NPIPB7: variants seen among roughly 807,000 people sequenced by gnomAD.
The protein encoded by NPIPB7 is nuclear pore complex interacting protein family member B7.
For synonymous variants in NPIPB7, 9 were observed against 88.1 expected, an observed-to-expected ratio of 0.10 and a Z score of 5.03; for missense variants, 14 against 238.5, an observed-to-expected ratio of 0.06 and a Z score of 6.20.
chr16:28,470,539 G>A, exon 1 of NPIPB7: 1 of 369,638 alleles, frequency 2.7e-6, no homozygotes, highest in Admixed American at 3.5e-5. Flanking sequence ...CCGGATCTGA[G>A]TTGGGGCGGG....
rs369147647 is a variant in NPIPB7, at chr16:28,464,377, A to G, written c.250-1296T>C. Among the ~76,000 whole-genome samples, 10 of 152,084 alleles carry G rather than the reference A, an allele frequency of 6.6e-5. No individual in the cohort carries two copies. In the East Asian group the frequency reaches 9.7e-4, roughly 15 times the overall value. The stretch of plus-strand genomic sequence containing the variant: ...TTCCCTCCAAGATTTCCATATTATC[A>G]CAGTATGCTTTTAATCTTCTAAGAT... On this transcript the variant is annotated intron_variant, in intron 2 of 6. Coordinates refer to ENST00000452313, the Ensembl canonical transcript of NPIPB7.
upstream of NPIPB7, among the ~76,000 whole-genome samples, chr16:28,472,003 C>G (rs140008554): frequency 7.2e-5 from 11 of 152,188 alleles, no homozygotes; most frequent in East Asian, 1.7e-3. Context: ...GCACTCCAGT[C>G]TGAGCAACAG....
exon 1 of NPIPB7, chr16:28,470,512 G>A (rs1220137978): frequency 1.4e-5 from 15 of 1,083,878 alleles, no homozygotes; most frequent in Admixed American, 2.3e-5. Context: ...GGGGAGGGAA[G>A]GGGACGGGGA....
intron 4 of NPIPB7, among the ~76,000 whole-genome samples, chr16:28,462,134 A>T (rs1352833869): frequency 3.6e-3 from 545 of 149,898 alleles, no homozygotes; most frequent in Middle Eastern, 6.8e-3. Flanking sequence ...AAAAAAAAAA[A>T]AAAGGCTGGG....
upstream of NPIPB7, among the ~76,000 whole-genome samples, chr16:28,470,726 A>C: frequency 6.6e-6 from 1 of 150,480 alleles, no homozygotes. Context: ...GGAGGAGAAG[A>C]AGAAAGGGGT....
chr16:28,470,037 G>T (rs1459692551), intron 1 of NPIPB7, among the ~76,000 whole-genome samples: 1 of 145,728 alleles, frequency 6.9e-6, no homozygotes, highest in Non-Finnish European at 1.5e-5. Flanking sequence ...CTTTGTTTTG[G>T]TCCATTTTGT....
intron 4 of NPIPB7, among the ~76,000 whole-genome samples, chr16:28,461,758 G>C (rs1367261822): frequency 6.8e-6 from 1 of 147,230 alleles, no homozygotes; most frequent in Non-Finnish European, 1.5e-5. Flanking sequence ...GACCAGCTTG[G>C]CCAATATGGT....
At chr16:28,470,832 G>T (rs1467778110), upstream of NPIPB7, among the ~76,000 whole-genome samples, 1 of 136,392 alleles carries the variant, frequency 7.3e-6, no homozygotes, top group Non-Finnish European at 1.6e-5. Flanking sequence ...AGGACACGCG[G>T]GGCAAGGGAG....
chr16:28,462,190 C>A (rs1370222981), intron 4 of NPIPB7, among the ~76,000 whole-genome samples: 1 of 149,928 alleles, frequency 6.7e-6, no homozygotes, highest in East Asian at 2.0e-4. Context: ...GAGGCTGAGG[C>A]AGGTGGATTA....
chr16:28,469,981 A>C (rs866546881), intron 1 of NPIPB7, among the ~76,000 whole-genome samples: 12 of 142,438 alleles, frequency 8.4e-5, no homozygotes, highest in East Asian at 2.2e-4. Flanking sequence ...AAAAAAAAAA[A>C]AAAAAAAGTC....
chr16:28,469,609 A>C, intron 1 of NPIPB7: 1 of 240,440 alleles, frequency 4.2e-6, no homozygotes, highest in African/African-American at 2.4e-5. Flanking sequence ...AAAAATAAAT[A>C]AATAAATAAA....
intron 4 of NPIPB7, among the ~76,000 whole-genome samples, chr16:28,461,195 A>G (rs541666653): frequency 6.6e-6 from 1 of 150,728 alleles, no homozygotes; most frequent in African/African-American, 2.5e-5. Context: ...AATGAAAGCG[A>G]CCCGTACTGA....
At chr16:28,469,670 CA>C (rs2045928857) in intron 1 of NPIPB7, 1 of 361,698 alleles carries the variant, frequency 2.8e-6, no homozygotes, top group Non-Finnish European at 5.3e-6. Flanking sequence ...ATGTACTTTC[CA>C]AAGTTAGTAA....
chr16:28,463,554 C>G (rs1316314762), intron 2 of NPIPB7, among the ~76,000 whole-genome samples: 11 of 142,796 alleles, frequency 7.7e-5, no homozygotes, highest in Non-Finnish European at 6.0e-5. Context: ...TGGAGAAACG[C>G]TGTCTCTGCT....
chr16:28,469,508 G>T (rs2045926709), intron 1 of NPIPB7, among the ~76,000 whole-genome samples: 1 of 148,966 alleles, frequency 6.7e-6, no homozygotes, highest in Non-Finnish European at 1.5e-5. Context: ...TGAGGCAGGA[G>T]AATCGCTCAA....
intron 2 of NPIPB7, among the ~76,000 whole-genome samples, chr16:28,465,479 G>A (rs1177261183): frequency 9.0e-5 from 12 of 133,230 alleles, no homozygotes; most frequent in Non-Finnish European, 1.3e-4. Flanking sequence ...AGGGAGACTC[G>A]TCTCGGGGGT....
At position 28,469,944 on chromosome 16, in the gene NPIPB7, C is replaced by T. The variant is rs1201234731; in HGVS notation, c.66+429G>A. On this transcript the variant is annotated intron_variant, in intron 1 of 6. Coordinates refer to ENST00000452313, the Ensembl canonical transcript of NPIPB7. ...CCGAGATCTTGCCACTGCACTCCAG[C>T]CTGGGCGACAGAGTGAGACTCTGTC... 3.4e-4 allele frequency: 99 copies of T among 290,946 alleles called. 1 individual carries two copies. Among genetic ancestry groups the T allele is most frequent in the African/African-American group, 2.3e-3 (96 of 42,572 alleles). The allele number at this position is 290,946 out of a possible 1,614,324, so 18.0% of individuals were successfully genotyped here.
intron 1 of NPIPB7, among the ~76,000 whole-genome samples, chr16:28,468,715 A>G (rs1425627327): frequency 3.0e-5 from 4 of 135,242 alleles, no homozygotes; most frequent in Admixed American, 8.3e-5. Context: ...GCTGAGGCAG[A>G]AGAATCACTT....
chr16:28,461,947 C>CAAA (rs56100146), intron 4 of NPIPB7, among the ~76,000 whole-genome samples: 6,259 of 88,744 alleles, frequency 0.071, 10 homozygotes, highest in East Asian at 0.19. Flanking sequence ...GACTCTGTCT[C>CAAA]AAAAAAAAAA....
Sources: allele counts gnomAD v4.1 joint callset (sites outside exome capture counted in the v4.1 genomes callset), GRCh38; gene constraint gnomAD v4.1.1; transcripts MANE v1.5; gene names NCBI Gene and HGNC (gene_info 2026-07-23, HGNC 2026-07-21).